ACER3: variants seen among roughly 807,000 people sequenced by gnomAD.
The protein encoded by ACER3 is alkCDase 3.
ACER3 carries 16 observed loss-of-function variants against 48.9 expected under a neutral mutation model. The observed-to-expected ratio is 0.33, with a 90% CI of 0.22 to 0.50. The LOEUF is 0.50. ACER3 is among the 20% of genes least tolerant of loss of function. The probability of loss-of-function intolerance (pLI) is 0.98; values close to 1 mark genes in which losing one functional copy is unlikely to be tolerated. For missense variants in ACER3, 227 were observed against 326.0 expected (o/e 0.70, Z 2.34); for synonymous variants, 109 against 107.8 (o/e 1.01, Z -0.07).
rs186763379 is a variant in ACER3, at chr11:77,022,093, T to G, written c.*1766T>G. ...ACCTGGGCTATCGGCCGTGATACAT[T>G]TTTTAATTCATTTGTTTTCCACCAT... is the stretch of plus-strand genomic sequence containing the variant. On this transcript the variant is annotated 3_prime_UTR_variant, in exon 11 of 11. Transcript: ENST00000532485. The G allele has an allele frequency of 2.0e-5, 3 of 152,380 alleles. No individual in the cohort carries two copies. In the East Asian group the frequency reaches 5.8e-4, roughly 29 times the overall value. The allele number at this position is 152,380 out of a possible 1,614,324, so 9.4% of individuals were successfully genotyped here.
chr11:76,937,875 C>A (rs1334646107), intron 2 of ACER3, among the ~76,000 whole-genome samples: 3 of 152,152 alleles, frequency 2.0e-5, no homozygotes, highest in African/African-American at 7.2e-5. Context: ...TATTACATAT[C>A]CTCAATCTGA....
intron 1 of ACER3, among the ~76,000 whole-genome samples, chr11:76,874,367 A>G (rs1394714643): frequency 6.6e-6 from 1 of 151,840 alleles, no homozygotes; most frequent in East Asian, 1.9e-4. Flanking sequence ...GGTACTTAAT[A>G]AAGATGAGTT....
chr11:76,937,288 A>G (rs981789407), intron 2 of ACER3, among the ~76,000 whole-genome samples: 1 of 152,240 alleles, frequency 6.6e-6, no homozygotes, highest in African/African-American at 2.4e-5. Context: ...ATGAGAACAC[A>G]AAGTTTTTGA....
intron 2 of ACER3, among the ~76,000 whole-genome samples, chr11:76,954,039 C>T (rs1947765069): frequency 6.6e-6 from 1 of 151,820 alleles, no homozygotes; most frequent in Non-Finnish European, 1.5e-5. Flanking sequence ...CCTCCGCCAC[C>T]CAGGTTCAAG....
intron 1 of ACER3, among the ~76,000 whole-genome samples, chr11:76,922,284 A>G (rs1429033216): frequency 1.3e-5 from 2 of 152,140 alleles, no homozygotes; most frequent in East Asian, 3.8e-4. Flanking sequence ...AGGTAATTTG[A>G]AATGTATTAC....
At chr11:76,874,740 C>T (rs1004032163) in intron 1 of ACER3, among the ~76,000 whole-genome samples, 2 of 152,094 alleles carry the variant, frequency 1.3e-5, no homozygotes, top group African/African-American at 2.4e-5. Context: ...GAGGTGGGGA[C>T]GGGGGCAGTT....
chr11:76,899,684 A>G (rs1946031649), intron 1 of ACER3, among the ~76,000 whole-genome samples: 1 of 152,208 alleles, frequency 6.6e-6, no homozygotes, highest in African/African-American at 2.4e-5. Context: ...GATCACAGAC[A>G]TGTTATTCAT....
intron 8 of ACER3, chr11:77,015,336 T>C: frequency 2.5e-6 from 1 of 397,974 alleles, no homozygotes; most frequent in Non-Finnish European, 4.4e-6. Flanking sequence ...CTGTAGGGTT[T>C]GGGTTTTGTG....
At chr11:76,887,666 T>C (rs1434879859) in intron 1 of ACER3, among the ~76,000 whole-genome samples, 2 of 152,134 alleles carry the variant, frequency 1.3e-5, no homozygotes, top group Non-Finnish European at 2.9e-5. Context: ...CTTAGAAAAG[T>C]GCTACCATTC....
At chr11:76,990,434 AT>A (rs1948775257) in intron 5 of ACER3, 104 bp from the exon 6 acceptor site, 1 of 826,926 alleles carries the variant, frequency 1.2e-6, no homozygotes, top group Non-Finnish European at 2.1e-6. Flanking sequence ...TCTGAGTAAG[AT>A]GGGGGAAGCA....
chr11:76,868,130 A>G (rs1010761752), intron 1 of ACER3: 1 of 1,289,580 alleles, frequency 7.8e-7, no homozygotes, highest in Non-Finnish European at 1.0e-6. Flanking sequence ...GTTCCTTCCT[A>G]CCATCCTCCC....
chr11:76,990,991 C>G lies in ACER3; in HGVS notation c.438+417C>G, dbSNP rs569200404. On this transcript the variant is annotated intron_variant, in intron 6 of 10. Coordinates refer to ENST00000532485, the MANE Select transcript of ACER3 (RefSeq NM_018367.7). ...GGGAGGTGATGTACATTGAAGGAAG[C>G]AGACACAGGAAACTTTATTGTAGGA... 2.0e-5 allele frequency among the ~76,000 whole-genome samples: 3 copies of G among 152,228 alleles called. No individual in the cohort carries two copies. In the East Asian group the frequency reaches 5.8e-4, roughly 29 times the overall value.
chr11:76,922,617 A>T (rs573092805), intron 1 of ACER3, among the ~76,000 whole-genome samples: 115 of 152,300 alleles, frequency 7.6e-4, no homozygotes, highest in African/African-American at 2.7e-3. Context: ...TTTTTAAAAC[A>T]TTATAATTAA....
intron 8 of ACER3, among the ~76,000 whole-genome samples, chr11:77,015,987 A>G (rs1949358714): frequency 2.0e-5 from 3 of 151,964 alleles, no homozygotes; most frequent in Admixed American, 2.0e-4. Flanking sequence ...TGTGCCTGTA[A>G]TCCCAGCTAC....
chr11:76,923,043 A>T (rs1032661027), intron 1 of ACER3, among the ~76,000 whole-genome samples: 1 of 152,116 alleles, frequency 6.6e-6, no homozygotes, highest in Admixed American at 6.5e-5. Flanking sequence ...AAAAAAATTT[A>T]AAAATCTAGA....
intron 3 of ACER3, among the ~76,000 whole-genome samples, chr11:76,970,577 G>A (rs1249555519): frequency 6.6e-6 from 1 of 151,994 alleles, no homozygotes; most frequent in East Asian, 1.9e-4. Context: ...TGATATTATT[G>A]AGACACTTAA....
At chr11:76,975,991 T>C (rs1878630) in intron 3 of ACER3, among the ~76,000 whole-genome samples, 107,216 of 150,802 alleles carry the variant, frequency 0.71, 38,524 homozygotes, top group Non-Finnish European at 0.77. Flanking sequence ...GCGATCCTTT[T>C]GCTTCAGCCT....
intron 1 of ACER3, among the ~76,000 whole-genome samples, chr11:76,911,380 G>A (rs575239362): frequency 2.6e-5 from 4 of 152,172 alleles, no homozygotes; most frequent in East Asian, 1.9e-4. Flanking sequence ...GTGTCTTTTC[G>A]CATGCTAATG....
intron 1 of ACER3, among the ~76,000 whole-genome samples, chr11:76,876,580 A>T (rs1200795805): frequency 6.6e-6 from 1 of 152,126 alleles, no homozygotes; most frequent in Non-Finnish European, 1.5e-5. Context: ...TTAGGATTGG[A>T]ATAATTGGGT....
Sources: allele counts gnomAD v4.1 joint callset (sites outside exome capture counted in the v4.1 genomes callset), GRCh38; gene constraint gnomAD v4.1.1; transcripts MANE v1.5; gene names NCBI Gene and HGNC (gene_info 2026-07-23, HGNC 2026-07-21).